Variants in MYCBP2 observed in about 807,000 individuals in gnomAD.
MYCBP2 encodes the protein MYC binding protein 2.
Under a neutral mutation model 525.3 loss-of-function variants are expected in MYCBP2, and 120 were observed. The ratio of observed to expected loss-of-function variants is 0.23; its 90% CI spans 0.20 to 0.27. MYCBP2 has a LOEUF of 0.27. Ranked by LOEUF, MYCBP2 falls within the 10% of genes least tolerant of loss-of-function variation. MYCBP2 has a pLI of 1.00. For missense variants in MYCBP2, 4,149 were observed against 5,657.1 expected, an observed-to-expected ratio of 0.73 and a Z score of 8.55; for synonymous variants, 1,894 against 1,955.8, an observed-to-expected ratio of 0.97 and a Z score of 0.83.
intron 32 of MYCBP2, among the ~76,000 whole-genome samples, chr13:77,184,423 G>C (rs1318229914): frequency 6.6e-6 from 1 of 152,112 alleles, no homozygotes; most frequent in African/African-American, 2.4e-5. Context: ...TTAGTGAATG[G>C]TCCCAAATAT....
At chr13:77,179,845 G>A (rs186566731) in intron 34 of MYCBP2, among the ~76,000 whole-genome samples, 10 of 152,204 alleles carry the variant, frequency 6.6e-5, no homozygotes, top group East Asian at 1.9e-4. Context: ...TGCTTTTCAC[G>A]GGGCATGGTG....
At chr13:77,062,240 G>T (rs1315645139) in intron 74 of MYCBP2, among the ~76,000 whole-genome samples, 3 of 152,150 alleles carry the variant, frequency 2.0e-5, no homozygotes, top group African/African-American at 7.2e-5. Context: ...CATGTTGCCT[G>T]TGTTATTGCT....
Position 77,325,324 on chromosome 13 carries a change from CTAT to C in MYCBP2, c.302+1147_302+1149del, listed in dbSNP as rs572677777. Among the ~76,000 whole-genome samples, 156 of 152,282 alleles carry C rather than the reference CTAT, an allele frequency of 1.0e-3. 1 individual carries two copies. The highest frequency in any genetic ancestry group is 3.4e-3 in the Middle Eastern group (1 of 294). ...TTTAACTCATTTTGACAGTTTCCTA[CTAT>C]GTTTTCCCCATGTACTGCAAGAAGC... On this transcript the variant is annotated intron_variant, in intron 1 of 82. Transcript: ENST00000544440.
At position 77,055,704 on chromosome 13, in the gene MYCBP2, C is replaced by T. The variant is rs748308347; in HGVS notation, c.13501G>A (p.Val4501Ile). 25 of 1,613,870 alleles carry T rather than the reference C, an allele frequency of 1.5e-5. No individual in the cohort carries two copies. The Admixed American group carries it at 4.0e-4, about 26-fold the overall frequency. The change falls in exon 80 of 83, where the codon GTC becomes ATC. Residue 4501 changes from valine (V) to isoleucine (I), a missense_variant. Transcript: ENST00000544440. ...LDPIKELYED[V>I]RRKALMRLEY... ...AATCTCATTAAGGCTTTTCTTCTGA[C>T]ATCCTCATAGAGTTCTTTTATTGGA...
At chr13:77,147,206 T>C (rs1435385361) in intron 47 of MYCBP2, among the ~76,000 whole-genome samples, 1 of 152,068 alleles carries the variant, frequency 6.6e-6, no homozygotes, top group Non-Finnish European at 1.5e-5. Context: ...AGTAAGAGCC[T>C]AAAAATATAT....
intron 59 of MYCBP2, 88 bp downstream of exon 59, chr13:77,093,077 A>T: frequency 1.5e-6 from 2 of 1,315,342 alleles, no homozygotes; most frequent in Non-Finnish European, 2.1e-6. Flanking sequence ...CAGATGTATT[A>T]AAGAACTTCT....
At chr13:77,281,728 G>T (rs2076207053) in intron 3 of MYCBP2, among the ~76,000 whole-genome samples, 1 of 152,028 alleles carries the variant, frequency 6.6e-6, no homozygotes, top group South Asian at 2.1e-4. Flanking sequence ...GTCTTTCAAG[G>T]TTTTATTTTG....
intron 1 of MYCBP2, among the ~76,000 whole-genome samples, chr13:77,312,011 A>C (rs2080302267): frequency 6.6e-6 from 1 of 152,150 alleles, no homozygotes; most frequent in South Asian, 2.1e-4. Flanking sequence ...AAAAAATTAC[A>C]CACCACACAG....
In MYCBP2 at chr13:77,240,437, G is replaced by A. The variant is rs369230161; in HGVS notation, c.2629+2622C>T. On this transcript the variant is annotated intron_variant, in intron 17 of 82. Coordinates refer to ENST00000544440, the MANE Select transcript of MYCBP2 (RefSeq NM_015057.5). ...AGCCTGGCCAACATGGTGAAACCTC[G>A]CCTCTACTAAAAATACAAAAATTAG... Among the ~76,000 whole-genome samples, 317 of 151,994 alleles carry A rather than the reference G, an allele frequency of 2.1e-3. 7 individuals are homozygous for A. The South Asian group carries it at 0.032, about 15-fold the overall frequency.
At chr13:77,230,194 C>G (rs9565327) in intron 18 of MYCBP2, among the ~76,000 whole-genome samples, 9 of 152,146 alleles carry the variant, frequency 5.9e-5, no homozygotes, top group Non-Finnish European at 1.3e-4. Context: ...AACTTTCCAT[C>G]TTAGAACTTA....
intron 52 of MYCBP2, among the ~76,000 whole-genome samples, chr13:77,135,321 A>C (rs2053571232): frequency 6.6e-6 from 1 of 152,246 alleles, no homozygotes; most frequent in African/African-American, 2.4e-5. Context: ...TGAAGTAAGA[A>C]GGGAGAAAGA....
At chr13:77,141,586 C>T (rs2054629494) in intron 49 of MYCBP2, among the ~76,000 whole-genome samples, 1 of 151,946 alleles carries the variant, frequency 6.6e-6, no homozygotes, top group Admixed American at 6.6e-5. Context: ...GCCTGGCCAC[C>T]ATAGTGAAAC....
intron 1 of MYCBP2, among the ~76,000 whole-genome samples, chr13:77,319,434 C>T (rs2081333973): frequency 6.6e-6 from 1 of 152,152 alleles, no homozygotes; most frequent in Admixed American, 6.5e-5. Flanking sequence ...GAGAATTCTA[C>T]CTACCTTGGT....
intron 49 of MYCBP2, 65 bp downstream of exon 49, chr13:77,144,380 G>T: frequency 1.7e-6 from 2 of 1,157,240 alleles, no homozygotes; most frequent in African/African-American, 1.5e-5. Flanking sequence ...AAAACTAGAA[G>T]ATAAAAATAA....
rs2073717732 is a variant in MYCBP2, at chr13:77,264,010, A to T, written c.1358-8T>A. 1 of 1,608,944 alleles carries T rather than the reference A, an allele frequency of 6.2e-7. No individual in the cohort carries two copies. Among genetic ancestry groups the T allele is most frequent in the African/African-American group, 1.3e-5 (1 of 74,766 alleles). On this transcript the variant is annotated splice_region_variant and splice_polypyrimidine_tract_variant and intron_variant, in intron 8 of 82. Coordinates refer to ENST00000544440, the MANE Select transcript of MYCBP2 (RefSeq NM_015057.5). The stretch of plus-strand genomic sequence containing the variant: ...GACCTTCAGTGTGGCAATCTGTGCA[A>T]AAGAAAAAGTATTTATATTACAATA...
At chr13:77,095,737 A>G (rs1319897001) in intron 57 of MYCBP2, 135 bp from the exon 58 acceptor site, 1 of 1,108,588 alleles carries the variant, frequency 9.0e-7, no homozygotes. Context: ...AAGATTATAA[A>G]AAACAACATT....
intron 8 of MYCBP2, among the ~76,000 whole-genome samples, chr13:77,267,537 T>A (rs2074282783): frequency 6.6e-6 from 1 of 152,088 alleles, no homozygotes; most frequent in Non-Finnish European, 1.5e-5. Flanking sequence ...GAGTTCTGAT[T>A]TTTATTAAGA....
At chr13:77,230,326 A>G (rs2066957381) in intron 18 of MYCBP2, among the ~76,000 whole-genome samples, 1 of 152,262 alleles carries the variant, frequency 6.6e-6, no homozygotes, top group South Asian at 2.1e-4. Context: ...AATGTAGGAT[A>G]GAACATAGCA....
chr13:77,230,264 A>G (rs73545866), intron 18 of MYCBP2, among the ~76,000 whole-genome samples: 1 of 152,190 alleles, frequency 6.6e-6, no homozygotes, highest in African/African-American at 2.4e-5. Context: ...AAAAAGTCAC[A>G]GTCTAAAAAA....
Sources: gnomAD v4.1 joint callset for allele counts (sites outside exome capture counted in the v4.1 genomes callset) on GRCh38, gnomAD v4.1.1 for gene constraint, MANE v1.5 for transcripts, NCBI Gene and HGNC (gene_info 2026-07-23, HGNC 2026-07-21) for gene names.